The following ADAMTSL1 variants were observed in gnomAD, a reference collection of about 807,000 sequenced individuals.
The protein encoded by ADAMTSL1 is ADAMTS like 1.
Under a neutral mutation model 201.8 loss-of-function variants are expected in ADAMTSL1, and 126 were observed. The ratio of observed to expected loss-of-function variants is 0.62; its 90% CI spans 0.54 to 0.72. ADAMTSL1 has a LOEUF of 0.72. Ranked by LOEUF, ADAMTSL1 falls within the 30% of genes least tolerant of loss-of-function variation. The pLI, the probability that ADAMTSL1 is intolerant of heterozygous loss-of-function variation, is 0.00. For missense variants in ADAMTSL1, 2,679 were observed against 2,277.8 expected (o/e 1.18, Z -3.59); for synonymous variants, 1,121 against 903.4 (o/e 1.24, Z -4.32).
chr9:17,932,279 A>G (rs1191699084), intron 1 of ADAMTSL1, among the ~76,000 whole-genome samples: 1 of 152,156 alleles, frequency 6.6e-6, no homozygotes, highest in Non-Finnish European at 1.5e-5. Context: ...CTGGGTTGGC[A>G]ATTCCAGGGC....
At position 18,777,053 on chromosome 9, in the gene ADAMTSL1, G is replaced by A. The variant is rs1821066425; in HGVS notation, c.2824G>A (p.Ala942Thr). ...LKIHRLKPSD[A>T]GVYTCSAGPA... ...GATCCACCGCCTCAAGCCCTCGGAT[G>A]CAGGCGTCTACACCTGCTCAGCGGG... Residue 942 changes from alanine (A) to threonine (T), a missense_variant, in exon 19 of 29, where the codon GCA (alanine) becomes ACA (threonine). Coordinates refer to ENST00000380548, the MANE Select transcript of ADAMTSL1 (RefSeq NM_001040272.6). The A allele has an allele frequency of 3.1e-6, 5 of 1,612,500 alleles. No individual in the cohort carries two copies. Among genetic ancestry groups the A allele is most frequent in the Non-Finnish European group, 4.2e-6 (5 of 1,179,140 alleles).
At chr9:18,368,653 G>GT (rs1836896929) in intron 2 of ADAMTSL1, among the ~76,000 whole-genome samples, 2 of 152,072 alleles carry the variant, frequency 1.3e-5, no homozygotes, top group Admixed American at 1.3e-4. Flanking sequence ...TGCCTTTAAA[G>GT]TTTTTTATGT....
intron 13 of ADAMTSL1, among the ~76,000 whole-genome samples, chr9:18,693,360 G>A (rs552096559): frequency 8.7e-4 from 132 of 152,184 alleles, no homozygotes; most frequent in Non-Finnish European, 1.5e-3. Flanking sequence ...GATGAAATTC[G>A]GCCGGCATAT....
chr9:18,083,177 A>G (rs1046779462), intron 1 of ADAMTSL1, among the ~76,000 whole-genome samples: 2 of 152,200 alleles, frequency 1.3e-5, no homozygotes, highest in Non-Finnish European at 2.9e-5. Flanking sequence ...GCTACTATTG[A>G]AGGCAATATT....
intron 14 of ADAMTSL1, among the ~76,000 whole-genome samples, chr9:18,707,945 C>T (rs1187018215): frequency 2.0e-5 from 3 of 152,148 alleles, no homozygotes; most frequent in East Asian, 1.9e-4. Context: ...ACTAAAAATA[C>T]GGTAGATTCA....
intron 10 of ADAMTSL1, among the ~76,000 whole-genome samples, chr9:18,677,042 T>A (rs1455393825): frequency 6.6e-6 from 1 of 152,068 alleles, no homozygotes; most frequent in Non-Finnish European, 1.5e-5. Flanking sequence ...CACATGTATA[T>A]ACACATCTAT....
At chr9:18,655,806 TAAAAAAA>T (rs56662538) in intron 7 of ADAMTSL1, among the ~76,000 whole-genome samples, 97 of 81,844 alleles carry the variant, frequency 1.2e-3, no homozygotes, top group African/African-American at 3.3e-3. Flanking sequence ...TTTGTGAGCT[TAAAAAAA>T]AAAAAAAAAA....
intron 19 of ADAMTSL1, among the ~76,000 whole-genome samples, chr9:18,779,358 T>C (rs1478549768): frequency 1.3e-5 from 2 of 152,206 alleles, no homozygotes; most frequent in East Asian, 3.8e-4. Flanking sequence ...ACCAAATACC[T>C]TTGATAACAA....
At chr9:18,879,235 T>C (rs1828371383) in intron 23 of ADAMTSL1, among the ~76,000 whole-genome samples, 1 of 152,186 alleles carries the variant, frequency 6.6e-6, no homozygotes, top group African/African-American at 2.4e-5. Flanking sequence ...TAAAGGTTAT[T>C]TCATTCGAAC....
Position 18,753,178 on chromosome 9 carries a change from A to G in ADAMTSL1, c.2007-120A>G, listed in dbSNP as rs977334243. The G allele has an allele frequency of 1.3e-5, 12 of 930,152 alleles. No individual in the cohort carries two copies. In the East Asian group the frequency reaches 1.8e-4, roughly 14 times the overall value. 57.6% of individuals were successfully genotyped at this position (930,152 alleles called of 1,614,324 possible). A position where few individuals can be genotyped will look rare whatever the true frequency, so the allele number is the denominator to read the frequency against. On this transcript the variant is annotated intron_variant, in intron 15 of 28. Transcript: ENST00000380548. ...AGGCTTAAGATAGAGCTGCCAGCCA[A>G]TCTTGGGCTGGCACTTCCCACTTTC...
At chr9:18,111,241 A>G (rs969549464) in intron 1 of ADAMTSL1, among the ~76,000 whole-genome samples, 3 of 152,220 alleles carry the variant, frequency 2.0e-5, no homozygotes, top group Admixed American at 6.5e-5. Flanking sequence ...TTTATAAATC[A>G]AGATTTTATA....
intron 15 of ADAMTSL1, among the ~76,000 whole-genome samples, chr9:18,732,666 A>T (rs1417115350): frequency 4.6e-5 from 7 of 152,080 alleles, no homozygotes; most frequent in African/African-American, 1.7e-4. Flanking sequence ...GTCTCCTCTA[A>T]TGTTTGTGGG....
At chr9:18,848,045 T>C (rs1471541852) in intron 23 of ADAMTSL1, among the ~76,000 whole-genome samples, 2 of 152,238 alleles carry the variant, frequency 1.3e-5, no homozygotes, top group Non-Finnish European at 2.9e-5. Flanking sequence ...CAGAGGCTTA[T>C]CAGGCTGGCT....
intron 23 of ADAMTSL1, among the ~76,000 whole-genome samples, chr9:18,855,930 T>G (rs1029059210): frequency 4.6e-5 from 7 of 152,138 alleles, no homozygotes; most frequent in African/African-American, 1.7e-4. Context: ...GAAAAAGAAT[T>G]TAGGCACAGA....
intron 2 of ADAMTSL1, among the ~76,000 whole-genome samples, chr9:18,167,694 A>G (rs181440781): frequency 1.2e-4 from 19 of 152,086 alleles, no homozygotes; most frequent in African/African-American, 4.6e-4. Context: ...GAATATAACT[A>G]TTTCCATGTA....
At position 18,224,389 on chromosome 9, in the gene ADAMTSL1, A is replaced by T. The variant is rs117002029; in HGVS notation, c.207+60408A>T. 6.1e-3 allele frequency among the ~76,000 whole-genome samples: 924 copies of T among 152,102 alleles called. 4 individuals carry two copies. The highest frequency in any genetic ancestry group is 0.014 in the Middle Eastern group (4 of 294). Reference sequence around the variant, plus strand: ...TGGGGACAAAAACTCCCTCATCAAGACCTTTTATGATGATTCTGCCATCAT... The same window carrying T: ...TGGGGACAAAAACTCCCTCATCAAGTCCTTTTATGATGATTCTGCCATCAT... On this transcript the variant is annotated intron_variant, in intron 2 of 29. Transcript: ENST00000680146.
intron 2 of ADAMTSL1, among the ~76,000 whole-genome samples, chr9:18,327,151 C>G (rs184242450): frequency 6.6e-6 from 1 of 152,212 alleles, no homozygotes; most frequent in Non-Finnish European, 1.5e-5. Context: ...TTATATGCAG[C>G]TTCTTTCTAA....
intron 2 of ADAMTSL1, among the ~76,000 whole-genome samples, chr9:18,221,661 A>C (rs1233275371): frequency 6.6e-6 from 1 of 152,058 alleles, no homozygotes; most frequent in African/African-American, 2.4e-5. Context: ...TCTAATTTCC[A>C]TTATAATTTC....
At position 18,023,430 on chromosome 9, in the gene ADAMTSL1, A is replaced by C. The variant is rs371797910; in HGVS notation, c.87+116508A>C. Among the ~76,000 whole-genome samples the C allele has an allele frequency of 2.6e-5, 4 of 152,256 alleles. No individual in the cohort carries two copies. The East Asian group carries it at 7.7e-4, about 29-fold the overall frequency. On this transcript the variant is annotated intron_variant, in intron 1 of 29. Transcript: ENST00000680146. ...AATGTTTTTTATTTGTGGAAAAGCT[A>C]AAGAAAAAAACCTTGTGATAAGTTA...
Sources: allele counts gnomAD v4.1 joint callset (sites outside exome capture counted in the v4.1 genomes callset), GRCh38; gene constraint gnomAD v4.1.1; transcripts MANE v1.5; gene names NCBI Gene and HGNC (gene_info 2026-07-23, HGNC 2026-07-21).